FBXL5: variants seen among roughly 807,000 people sequenced by gnomAD.
FBXL5 encodes F-box/LRR-repeat protein 5.
In FBXL5, 26 loss-of-function variants were observed where a neutral mutation model predicts 78.3. The observed-to-expected ratio is 0.33, with a 90% CI of 0.24 to 0.46. The LOEUF (loss-of-function observed/expected upper bound fraction) is 0.46. Among genes scored for constraint, FBXL5 ranks in the 20% least tolerant of loss-of-function variants. The pLI is 1.00. For synonymous variants in FBXL5, 295 were observed against 282.5 expected, an observed-to-expected ratio of 1.04 and a Z score of -0.45; for missense variants, 710 against 829.2, an observed-to-expected ratio of 0.86 and a Z score of 1.77.
chr4:15,657,112 C>A (rs28644177), upstream of FBXL5, among the ~76,000 whole-genome samples: 36,810 of 152,096 alleles, frequency 0.24, 4,698 homozygotes, highest in African/African-American at 0.28. Context: ...CGTTCTTTTG[C>A]CAGGACTTTG....
intron 1 of FBXL5, among the ~76,000 whole-genome samples, chr4:15,649,235 A>G (rs1161416771): frequency 6.6e-6 from 1 of 152,178 alleles, no homozygotes; most frequent in Non-Finnish European, 1.5e-5. Context: ...CCACATGAAA[A>G]GTGCAAACAT....
Position 15,655,195 on chromosome 4 carries a change from C to T in FBXL5, c.84+9G>A, listed in dbSNP as rs772425769. The T allele has an allele frequency of 7.1e-7, 1 of 1,401,446 alleles. No individual in the cohort carries two copies. The allele number at this position is 1,401,446 out of a possible 1,614,324, so 86.8% of individuals were successfully genotyped here. A position where few individuals can be genotyped will look rare whatever the true frequency, so the allele number is the denominator to read the frequency against. ...ACCGCCCACAGCGGGAGGCTCAGCG[C>T]TCCGTTACCTTGTCGCAGTAGAGCC... On this transcript the variant is annotated intron_variant, in intron 1 of 10. Coordinates refer to ENST00000341285, the MANE Select transcript of FBXL5 (RefSeq NM_012161.4).
intron 1 of FBXL5, among the ~76,000 whole-genome samples, chr4:15,650,522 G>C (rs1715874024): frequency 6.6e-6 from 1 of 151,988 alleles, no homozygotes; most frequent in Admixed American, 6.6e-5. Context: ...AAATATAAAG[G>C]TTCCTAGTGA....
At position 15,630,673 on chromosome 4, in the gene FBXL5, A is replaced by T; in HGVS notation, c.885T>A (p.Asp295Glu). The change falls in exon 6 of 11, where the codon GAT (aspartate) becomes GAA (glutamate). Residue 295 changes from aspartate to glutamate, a missense_variant. Physicochemically the swap from Asp to Glu is conservative, Grantham distance 45 (BLOSUM62 2). Coordinates refer to ENST00000341285, the MANE Select transcript of FBXL5 (RefSeq NM_012161.4). ...AATTCCAAACAAGCTTACCAGATTC[A>T]TCAATGTCAGCATCTTCATCCCACT... ...FHEWDEDADI[D>E]ESEESAEESI... is the part of the protein sequence containing the mutation. 1 of 1,581,680 alleles carries T rather than the reference A, an allele frequency of 6.3e-7. No homozygotes were observed. Among genetic ancestry groups the T allele is most frequent in the Non-Finnish European group, 8.5e-7 (1 of 1,170,144 alleles).
At chr4:15,627,248 C>A (rs1273662471) in intron 7 of FBXL5, among the ~76,000 whole-genome samples, 1 of 151,460 alleles carries the variant, frequency 6.6e-6, no homozygotes, top group African/African-American at 2.4e-5. Flanking sequence ...GATTCTTCTG[C>A]CTCAGCCTCC....
At chr4:15,669,844 G>T (rs1717689322) in intron 1 of FBXL5, among the ~76,000 whole-genome samples, 1 of 151,928 alleles carries the variant, frequency 6.6e-6, no homozygotes, top group Admixed American at 6.6e-5. Flanking sequence ...CATTTTTTAT[G>T]AACTATATTT....
intron 10 of FBXL5, among the ~76,000 whole-genome samples, chr4:15,611,454 C>G (rs929218782): frequency 1.3e-5 from 2 of 151,996 alleles, no homozygotes; most frequent in South Asian, 2.1e-4. Flanking sequence ...TAGTCTGAGC[C>G]ATCTAAAATT....
At chr4:15,613,646 T>C (rs1722421684) in intron 9 of FBXL5, among the ~76,000 whole-genome samples, 1 of 152,052 alleles carries the variant, frequency 6.6e-6, no homozygotes. Context: ...TCTTTTTTCT[T>C]TGTTGGGTTG....
upstream of FBXL5, among the ~76,000 whole-genome samples, chr4:15,664,795 G>A (rs957838723): frequency 6.6e-6 from 1 of 151,924 alleles, no homozygotes; most frequent in African/African-American, 2.4e-5. Flanking sequence ...CTGACCTCAG[G>A]TGATCTGCCC....
At chr4:15,668,438 CTT>C (rs1717634441) in intron 1 of FBXL5, among the ~76,000 whole-genome samples, 1 of 151,180 alleles carries the variant, frequency 6.6e-6, no homozygotes, top group Non-Finnish European at 1.5e-5. Flanking sequence ...CAGATTTTGA[CTT>C]TATTCAAATC....
At chr4:15,641,570 A>G (rs572931046) in intron 2 of FBXL5, 1 of 456,646 alleles carries the variant, frequency 2.2e-6, no homozygotes, top group African/African-American at 1.9e-5. Flanking sequence ...AATACATGAA[A>G]TAATTGTTAT....
intron 1 of FBXL5, among the ~76,000 whole-genome samples, chr4:15,651,584 C>T (rs979350201): frequency 7.2e-5 from 11 of 151,980 alleles, no homozygotes; most frequent in African/African-American, 1.7e-4. Context: ...AGAAAAATGG[C>T]GGAGGGGGGA....
chr4:15,662,678 A>G (rs147573871), upstream of FBXL5, among the ~76,000 whole-genome samples: 54 of 152,316 alleles, frequency 3.5e-4, no homozygotes, highest in African/African-American at 1.3e-3. Flanking sequence ...GTTTTTTTCA[A>G]TATCATTCTA....
In FBXL5 at chr4:15,625,838, A is replaced by G. The variant is rs749764990; in HGVS notation, c.1264T>C (p.Ser422Pro). The G allele has an allele frequency of 1.2e-6, 2 of 1,614,150 alleles. No individual in the cohort carries two copies. The highest frequency in any genetic ancestry group is 1.7e-6 in the Non-Finnish European group (2 of 1,180,014). Residue 422 changes from serine (S) to proline (P), a missense_variant, in exon 9 of 11, where the codon TCT becomes CCT. Ser to Pro is a moderately conservative substitution (Grantham distance 74, BLOSUM62 -1). Around this residue, in one of 4 missense-constraint regions of FBXL5, gnomAD observed 517 missense variants for 542.9 expected, o/e 0.95. Coordinates refer to ENST00000341285, the MANE Select transcript of FBXL5 (RefSeq NM_012161.4). ...GCAGTTGAAGTAATTTTGCTTGTAGATGTTTTCAAAAAGCCACTTTGATGA... is the reference window on the plus strand; with the variant it reads ...GCAGTTGAAGTAATTTTGCTTGTAGGTGTTTTCAAAAAGCCACTTTGATGA... ...TSHQSGFLKT[S>P]TSKITSTAWK... is the part of the protein sequence containing the mutation.
chr4:15,671,151 T>C (rs1473356156), intron 1 of FBXL5, among the ~76,000 whole-genome samples: 1 of 152,000 alleles, frequency 6.6e-6, no homozygotes, highest in Non-Finnish European at 1.5e-5. Flanking sequence ...CTCGAACTCC[T>C]GACCTCAAGT....
chr4:15,640,713 T>C, intron 3 of FBXL5, 75 bp downstream of exon 3: 4 of 765,664 alleles, frequency 5.2e-6, no homozygotes, highest in South Asian at 1.9e-5. Flanking sequence ...ATGCATTATT[T>C]TGAAGAGTCT....
At chr4:15,659,078 TTAAC>T (rs1322338941), upstream of FBXL5, among the ~76,000 whole-genome samples, 1 of 152,208 alleles carries the variant, frequency 6.6e-6, no homozygotes, top group Admixed American at 6.5e-5. Context: ...CTCCTGTGCT[TTAAC>T]TAAATAATAT....
upstream of FBXL5, among the ~76,000 whole-genome samples, chr4:15,661,583 TGTAA>T (rs1227470178): frequency 6.6e-6 from 1 of 152,228 alleles, no homozygotes; most frequent in East Asian, 1.9e-4. Context: ...CACATTTAGT[TGTAA>T]GTGACAGAAA....
intron 1 of FBXL5, among the ~76,000 whole-genome samples, chr4:15,673,855 T>A (rs1209553342): frequency 6.6e-6 from 1 of 152,208 alleles, no homozygotes; most frequent in Non-Finnish European, 1.5e-5. Flanking sequence ...CCTCTCCCTG[T>A]ACTATGGCTT....
Sources: gnomAD v4.1 joint callset for allele counts (sites outside exome capture counted in the v4.1 genomes callset) on GRCh38, gnomAD v4.1.1 for gene constraint, gnomAD v4.1.1 regional missense constraint, MANE v1.5 for transcripts, NCBI Gene and HGNC (gene_info 2026-07-23, HGNC 2026-07-21) for gene names.